Variants in ASIC2 observed in about 807,000 individuals in gnomAD.
ASIC2 encodes the protein acid-sensing ion channel 2.
ASIC2 carries 25 observed loss-of-function variants against 57.3 expected under a neutral mutation model. That is an observed-to-expected ratio of 0.44 (90% CI 0.32 to 0.61). The LOEUF (loss-of-function observed/expected upper bound fraction) is 0.61. ASIC2 is among the 20% of genes least tolerant of loss of function. The pLI is 0.06. For synonymous variants in ASIC2, 319 were observed against 307.5 expected (o/e 1.04, Z -0.39); for missense variants, 641 against 738.1 (o/e 0.87, Z 1.52).
chr17:33,827,109 G>A lies in ASIC2; in HGVS notation c.555+328869C>T, dbSNP rs1912944974. 2.6e-5 allele frequency among the ~76,000 whole-genome samples: 4 copies of A among 152,078 alleles called. No homozygotes were observed. In the South Asian group the frequency reaches 8.3e-4, roughly 32 times the overall value. The stretch of plus-strand genomic sequence containing the variant: ...TGTGGCTCTGGAGTCATACAGCCTT[G>A]AGAAGCTTACAGAAATACTTCAAGC... On this transcript the variant is annotated intron_variant, in intron 1 of 9. Transcript: ENST00000359872.
chr17:33,914,827 CA>C (rs1319873786), intron 1 of ASIC2, among the ~76,000 whole-genome samples: 1 of 152,212 alleles, frequency 6.6e-6, no homozygotes, highest in Non-Finnish European at 1.5e-5. Context: ...CTGTCTGGCT[CA>C]GGGCCATGAG....
At chr17:33,024,054 C>T (rs897337559) in intron 5 of ASIC2, 40 bp from the exon 6 acceptor site, 1 of 1,611,640 alleles carries the variant, frequency 6.2e-7, no homozygotes, top group African/African-American at 1.3e-5. Flanking sequence ...CAGGTGTGGG[C>T]ACTGGGATTT....
At chr17:33,791,083 C>T (rs1036112094) in intron 1 of ASIC2, among the ~76,000 whole-genome samples, 1 of 152,136 alleles carries the variant, frequency 6.6e-6, no homozygotes, top group Admixed American at 6.5e-5. Flanking sequence ...TGGGACCCCT[C>T]ATGCTACGTG....
chr17:33,123,575 C>T (rs1193664365), intron 1 of ASIC2, among the ~76,000 whole-genome samples: 3 of 152,102 alleles, frequency 2.0e-5, no homozygotes, highest in Admixed American at 6.6e-5. Context: ...TACGGGAATA[C>T]CTGCCTGCTT....
rs139388097 is a variant in ASIC2, at chr17:34,052,719, C to A, written c.555+103259G>T. Among the ~76,000 whole-genome samples, 52 of 151,880 alleles carry A rather than the reference C, an allele frequency of 3.4e-4. No homozygotes were observed. In the East Asian group the frequency reaches 8.5e-3, roughly 25 times the overall value. On this transcript the variant is annotated intron_variant, in intron 1 of 9. Transcript: ENST00000359872. ...GCAACCTCTGCCTCCCGGGTTCAAG[C>A]GATTCTGCTGCCTTAGTCTCCCAAG...
intron 3 of ASIC2, among the ~76,000 whole-genome samples, chr17:33,033,237 G>C (rs2091893030): frequency 6.6e-6 from 1 of 152,198 alleles, no homozygotes; most frequent in African/African-American, 2.4e-5. Flanking sequence ...CACAGCTGCA[G>C]ACCCAGGCCT....
At chr17:33,124,362 G>T (rs1365662800) in intron 1 of ASIC2, among the ~76,000 whole-genome samples, 1 of 152,162 alleles carries the variant, frequency 6.6e-6, no homozygotes, top group African/African-American at 2.4e-5. Flanking sequence ...GCCTGGCTGG[G>T]AGATACACAG....
intron 1 of ASIC2, among the ~76,000 whole-genome samples, chr17:33,168,122 G>T (rs2142045824): frequency 6.6e-6 from 1 of 152,296 alleles, no homozygotes; most frequent in East Asian, 1.9e-4. Flanking sequence ...TCCACCTTCT[G>T]CCCTTCACCA....
At chr17:33,968,343 G>T (rs969651082) in intron 1 of ASIC2, among the ~76,000 whole-genome samples, 1 of 152,202 alleles carries the variant, frequency 6.6e-6, no homozygotes, top group African/African-American at 2.4e-5. Context: ...AATCTCTGCG[G>T]AGACCTCTAA....
At chr17:33,312,275 C>A (rs1472766603) in intron 1 of ASIC2, among the ~76,000 whole-genome samples, 1 of 152,146 alleles carries the variant, frequency 6.6e-6, no homozygotes, top group African/African-American at 2.4e-5. Context: ...TCTTAAATGG[C>A]AGCATTCTAA....
intron 1 of ASIC2, among the ~76,000 whole-genome samples, chr17:33,401,692 T>A (rs568328755): frequency 6.6e-6 from 1 of 152,316 alleles, no homozygotes; most frequent in South Asian, 2.1e-4. Flanking sequence ...AAGCAAAAAT[T>A]AAATGACCAT....
At chr17:33,956,007 C>G (rs1412919614) in intron 1 of ASIC2, among the ~76,000 whole-genome samples, 2 of 152,032 alleles carry the variant, frequency 1.3e-5, no homozygotes, top group African/African-American at 2.4e-5. Flanking sequence ...GAGGGCCCAT[C>G]ATTAGACTAT....
chr17:33,287,398 CT>C (rs1368245068), intron 1 of ASIC2, among the ~76,000 whole-genome samples: 1 of 152,196 alleles, frequency 6.6e-6, no homozygotes, highest in African/African-American at 2.4e-5. Context: ...TTCCAACCCC[CT>C]GGTTCTTCTT....
intron 1 of ASIC2, among the ~76,000 whole-genome samples, chr17:33,531,836 T>G (rs1407242465): frequency 1.3e-5 from 2 of 152,144 alleles, no homozygotes; most frequent in African/African-American, 2.4e-5. Context: ...TTTCCCTGAC[T>G]GTCTCGTGAG....
intron 1 of ASIC2, among the ~76,000 whole-genome samples, chr17:33,820,011 T>A (rs1424280096): frequency 1.3e-5 from 2 of 152,112 alleles, no homozygotes; most frequent in Non-Finnish European, 2.9e-5. Flanking sequence ...AATCTGAGAC[T>A]CTTATGGAGT....
At chr17:33,361,658 A>G (rs1271574002) in intron 1 of ASIC2, among the ~76,000 whole-genome samples, 1 of 152,202 alleles carries the variant, frequency 6.6e-6, no homozygotes, top group African/African-American at 2.4e-5. Context: ...ATTTTATAGT[A>G]AAAAGACTGA....
chr17:33,931,040 T>G (rs1915920464), intron 1 of ASIC2: 1 of 152,342 alleles, frequency 6.6e-6, no homozygotes, highest in South Asian at 2.1e-4. Flanking sequence ...TGCCTCAGCC[T>G]CTCTAGCAGC....
chr17:33,418,355 T>G (rs17782332), intron 1 of ASIC2, among the ~76,000 whole-genome samples: 42,171 of 151,654 alleles, frequency 0.28, 7,075 homozygotes, highest in Non-Finnish European at 0.37. Context: ...AAAATAAAGT[T>G]GTGCTCCCTG....
intron 1 of ASIC2, among the ~76,000 whole-genome samples, chr17:33,304,667 A>G (rs778657878): frequency 1.3e-5 from 2 of 152,172 alleles, no homozygotes; most frequent in Non-Finnish European, 2.9e-5. Context: ...CTGTACCAGG[A>G]TCCCCGCCTT....
Sources: gnomAD v4.1 joint callset for allele counts (sites outside exome capture counted in the v4.1 genomes callset) on GRCh38, gnomAD v4.1.1 for gene constraint, MANE v1.5 for transcripts, NCBI Gene and HGNC (gene_info 2026-07-23, HGNC 2026-07-21) for gene names.